The following CHCHD6 variants were observed in gnomAD, a reference collection of about 807,000 sequenced individuals.
CHCHD6 encodes MICOS complex subunit MIC25.
Under a neutral mutation model 32.3 loss-of-function variants are expected in CHCHD6, and 28 were observed. The ratio of observed to expected loss-of-function variants is 0.87; its 90% CI spans 0.64 to 1.19. The LOEUF is 1.19. Among genes scored for constraint, CHCHD6 ranks in the 50% most tolerant of loss-of-function variants. CHCHD6 has a pLI of 0.00. For missense variants in CHCHD6, 333 were observed against 307.0 expected (o/e 1.08, Z -0.63); for synonymous variants, 122 against 117.5 (o/e 1.04, Z -0.25).
chr3:126,925,877 T>G (rs2078316980), intron 6 of CHCHD6, among the ~76,000 whole-genome samples: 1 of 152,200 alleles, frequency 6.6e-6, no homozygotes, highest in East Asian at 1.9e-4. Flanking sequence ...AAAGACAGGA[T>G]TAAATGATGG....
chr3:126,941,795 C>A (rs2078564210), intron 6 of CHCHD6, among the ~76,000 whole-genome samples: 1 of 152,180 alleles, frequency 6.6e-6, no homozygotes, highest in Non-Finnish European at 1.5e-5. Flanking sequence ...TAACTCCTTA[C>A]CCCTAAATAC....
Position 126,927,909 on chromosome 3 carries a change from T to G in CHCHD6, c.566+13159T>G, listed in dbSNP as rs148614530. Among the ~76,000 whole-genome samples, 16 of 152,376 alleles carry G rather than the reference T, an allele frequency of 1.1e-4. No homozygotes were observed. The East Asian group carries it at 3.1e-3, about 29-fold the overall frequency. On this transcript the variant is annotated intron_variant, in intron 6 of 7. Transcript: ENST00000290913. Reference sequence around the variant, plus strand: ...CAGTTATGTCTAGTTATTTGCGCCTTGAGGGAGCAGCCCTCATCACAGACA... The same window carrying G: ...CAGTTATGTCTAGTTATTTGCGCCTGGAGGGAGCAGCCCTCATCACAGACA...
At chr3:126,794,781 T>C (rs897252277) in intron 4 of CHCHD6, among the ~76,000 whole-genome samples, 1 of 152,176 alleles carries the variant, frequency 6.6e-6, no homozygotes, top group Non-Finnish European at 1.5e-5. Context: ...TAGTATCATA[T>C]TAGTTGTGTT....
chr3:126,917,700 G>A (rs778627630), intron 6 of CHCHD6, among the ~76,000 whole-genome samples: 1 of 152,200 alleles, frequency 6.6e-6, no homozygotes, highest in Non-Finnish European at 1.5e-5. Flanking sequence ...CCAATGTGAC[G>A]ATATTAGGAG....
At position 126,908,026 on chromosome 3, in the gene CHCHD6, G is replaced by A. The variant is rs143783630; in HGVS notation, c.496-6654G>A. ...ACCTCAGTTTCTTCATCTGTCAAAG[G>A]GGCGGTAATTCTTACCTTGAAATAC... On this transcript the variant is annotated intron_variant, in intron 5 of 7. Coordinates refer to ENST00000290913, the MANE Select transcript of CHCHD6 (RefSeq NM_032343.3). Among the ~76,000 whole-genome samples, 422 of 152,292 alleles carry A rather than the reference G, an allele frequency of 2.8e-3. 3 individuals carry two copies. The highest frequency in any genetic ancestry group is 9.0e-3 in the African/African-American group (373 of 41,564).
chr3:126,708,287 G>A (rs1435313930), intron 1 of CHCHD6, among the ~76,000 whole-genome samples: 5 of 152,342 alleles, frequency 3.3e-5, no homozygotes, highest in Admixed American at 6.5e-5. Context: ...GTGAGGTGAA[G>A]TAACCCAAGG....
chr3:126,889,914 T>C (rs777600894), intron 5 of CHCHD6, among the ~76,000 whole-genome samples: 5 of 152,162 alleles, frequency 3.3e-5, no homozygotes, highest in Non-Finnish European at 7.3e-5. Flanking sequence ...GCGTTTGTGG[T>C]TTGTTGGTAC....
intron 5 of CHCHD6, among the ~76,000 whole-genome samples, chr3:126,887,712 G>A (rs576406743): frequency 6.6e-6 from 1 of 152,108 alleles, no homozygotes; most frequent in Non-Finnish European, 1.5e-5. Context: ...CCCGCTTCCC[G>A]GTGGCCTCCC....
chr3:126,863,419 ACCT>A (rs1434204853), intron 5 of CHCHD6, among the ~76,000 whole-genome samples: 2 of 54,430 alleles, frequency 3.7e-5, no homozygotes, highest in Non-Finnish European at 7.0e-5. Flanking sequence ...TACCATCATC[ACCT>A]CCTCCTCCTC....
intron 4 of CHCHD6, among the ~76,000 whole-genome samples, chr3:126,816,134 G>A (rs765039979): frequency 2.6e-5 from 4 of 151,348 alleles, no homozygotes; most frequent in East Asian, 1.9e-4. Context: ...TTCCTTCTAC[G>A]TGTCCATACC....
At chr3:126,810,966 G>C (rs938311787) in intron 4 of CHCHD6, among the ~76,000 whole-genome samples, 1 of 152,196 alleles carries the variant, frequency 6.6e-6, no homozygotes. Flanking sequence ...CACCAGGTTA[G>C]AGACAGAATA....
chr3:126,943,904 G>A (rs901622256), intron 6 of CHCHD6, among the ~76,000 whole-genome samples: 6 of 152,228 alleles, frequency 3.9e-5, no homozygotes, highest in Non-Finnish European at 7.4e-5. Flanking sequence ...AAACACTATC[G>A]CAGCTTAAAA....
chr3:126,906,492 A>G (rs1253718814), intron 5 of CHCHD6, among the ~76,000 whole-genome samples: 1 of 152,168 alleles, frequency 6.6e-6, no homozygotes, highest in Non-Finnish European at 1.5e-5. Flanking sequence ...CGTGCGGTCC[A>G]ACACCTTCCG....
chr3:126,855,026 A>G (rs1941612950), intron 5 of CHCHD6: 1 of 152,176 alleles, frequency 6.6e-6, no homozygotes, highest in South Asian at 2.1e-4. Context: ...TGCAGTATTT[A>G]TTTCCTAGAT....
chr3:126,820,690 C>T lies in CHCHD6; in HGVS notation c.412-31957C>T, dbSNP rs145495787. 1.2e-3 allele frequency among the ~76,000 whole-genome samples: 182 copies of T among 152,282 alleles called. No homozygotes were observed. In the East Asian group the frequency reaches 0.016, roughly 13 times the overall value. On this transcript the variant is annotated intron_variant, in intron 4 of 7. Coordinates refer to ENST00000290913, the MANE Select transcript of CHCHD6 (RefSeq NM_032343.3). ...TTGAGAAAGTAAAGACTCAGAAGTA[C>T]AATTGCTGGGTCTCAGAGTATATGC...
rs367757264 is a variant in CHCHD6, at chr3:126,746,156, C to T, written c.411+12934C>T. Among the ~76,000 whole-genome samples, 208 of 152,216 alleles carry T rather than the reference C, an allele frequency of 1.4e-3. 1 individual carries two copies. The highest frequency in any genetic ancestry group is 4.0e-3 in the African/African-American group (165 of 41,522). On this transcript the variant is annotated intron_variant, in intron 4 of 7. Transcript: ENST00000290913. ...GTATCAGGTAACAAAGCTCTGAGGC[C>T]GCTGGGACTAGACACACTGGGAGTG...
At chr3:126,920,546 G>A (rs1349800291) in intron 6 of CHCHD6, among the ~76,000 whole-genome samples, 2 of 152,076 alleles carry the variant, frequency 1.3e-5, no homozygotes, top group Non-Finnish European at 2.9e-5. Context: ...CTCTTTCAGT[G>A]GCCTCTTTTA....
At chr3:126,744,553 C>T (rs1399343645) in intron 4 of CHCHD6, among the ~76,000 whole-genome samples, 2 of 152,260 alleles carry the variant, frequency 1.3e-5, no homozygotes, top group Non-Finnish European at 2.9e-5. Flanking sequence ...GAGGAGCTTT[C>T]GCTGTGAGTA....
At chr3:126,851,266 G>A (rs1160046629) in intron 4 of CHCHD6, among the ~76,000 whole-genome samples, 1 of 152,198 alleles carries the variant, frequency 6.6e-6, no homozygotes, top group African/African-American at 2.4e-5. Flanking sequence ...AAGGTTCCCT[G>A]TCAGTAGGAG....
Sources: gnomAD v4.1 joint callset for allele counts (sites outside exome capture counted in the v4.1 genomes callset) on GRCh38, gnomAD v4.1.1 for gene constraint, MANE v1.5 for transcripts, NCBI Gene and HGNC (gene_info 2026-07-23, HGNC 2026-07-21) for gene names.